Variants in ABCA12 observed in about 807,000 individuals in gnomAD.
The protein encoded by ABCA12 is glucosylceramide transporter ABCA12.
ABCA12 carries 156 observed loss-of-function variants against 293.5 expected under a neutral mutation model. The ratio of observed to expected loss-of-function variants is 0.53; its 90% CI spans 0.47 to 0.61. ABCA12 has a LOEUF of 0.61. Ranked by LOEUF, ABCA12 falls within the 20% of genes least tolerant of loss-of-function variation. The probability of loss-of-function intolerance (pLI) is 0.00; values close to 1 mark genes in which losing one functional copy is unlikely to be tolerated. For synonymous variants in ABCA12, 1,063 were observed against 1,108.0 expected (o/e 0.96, Z 0.81); for missense variants, 2,797 against 3,090.2 (o/e 0.91, Z 2.25).
chr2:214,993,043 T>G (rs1039577021), intron 23 of ABCA12, among the ~76,000 whole-genome samples: 3 of 152,202 alleles, frequency 2.0e-5, no homozygotes, highest in African/African-American at 7.2e-5. Context: ...AATAGTGAAT[T>G]TTACTTTCTG....
chr2:214,942,395 T>C (rs1354486970), intron 50 of ABCA12, among the ~76,000 whole-genome samples: 5 of 152,230 alleles, frequency 3.3e-5, no homozygotes, highest in Admixed American at 6.5e-5. Context: ...TAAATGCATA[T>C]ACACTCTGGT....
At chr2:215,103,849 T>A (rs1354813728) in intron 2 of ABCA12, among the ~76,000 whole-genome samples, 1 of 152,138 alleles carries the variant, frequency 6.6e-6, no homozygotes, top group Non-Finnish European at 1.5e-5. Context: ...TAGCCAGGTA[T>A]CTTGGTGGAT....
chr2:215,032,284 A>AT (rs5838481), intron 8 of ABCA12: 69 of 176,906 alleles, frequency 3.9e-4, no homozygotes, highest in African/African-American at 8.4e-4. Context: ...GGGTCACTGG[A>AT]TTTTTTTTTT....
chr2:215,084,771 C>A (rs2106098890), intron 2 of ABCA12, among the ~76,000 whole-genome samples: 1 of 152,202 alleles, frequency 6.6e-6, no homozygotes, highest in African/African-American at 2.4e-5. Context: ...ACACCTGTCA[C>A]AATATGATTG....
chr2:215,066,766 T>A (rs1701647219), intron 2 of ABCA12, among the ~76,000 whole-genome samples: 1 of 152,164 alleles, frequency 6.6e-6, no homozygotes, highest in African/African-American at 2.4e-5. Flanking sequence ...AAGTTTCAGC[T>A]AACAGAGTGC....
intron 2 of ABCA12, among the ~76,000 whole-genome samples, chr2:215,084,787 G>A (rs747087061): frequency 6.6e-6 from 1 of 152,032 alleles, no homozygotes; most frequent in South Asian, 2.1e-4. Flanking sequence ...GATTGGAGAA[G>A]GAACTCAAAA....
chr2:215,040,346 TATAA>T (rs1392061532), intron 7 of ABCA12, among the ~76,000 whole-genome samples: 2 of 152,128 alleles, frequency 1.3e-5, no homozygotes, highest in Admixed American at 6.5e-5. Flanking sequence ...AAAGAAAACA[TATAA>T]ATAGCCAATA....
At chr2:214,992,817 T>C (rs901887912) in intron 23 of ABCA12, among the ~76,000 whole-genome samples, 1 of 152,008 alleles carries the variant, frequency 6.6e-6, no homozygotes, top group Non-Finnish European at 1.5e-5. Context: ...GCCGAGATCA[T>C]GCCACTGCAC....
chr2:215,097,116 C>T lies in ABCA12; in HGVS notation c.163+14481G>A, dbSNP rs190835715. 9.4e-4 allele frequency among the ~76,000 whole-genome samples: 143 copies of T among 152,204 alleles called. 1 individual carries two copies. The highest frequency in any genetic ancestry group is 3.3e-3 in the African/African-American group (137 of 41,540). On this transcript the variant is annotated intron_variant, in intron 2 of 52. Transcript: ENST00000272895. ...GGCTGGTGTAGGAGTGAAAACTAAC[C>T]TGGTATAGAGGTTCAGAGAAAGTTC...
Position 214,953,937 on chromosome 2 carries a change from T to C in ABCA12, c.6564A>G (p.Ala2188=). The C allele has an allele frequency of 6.2e-7, 1 of 1,614,074 alleles. No homozygotes were observed. Among genetic ancestry groups the C allele is most frequent in the East Asian group, 2.2e-5 (1 of 44,852 alleles). ...NETFEMNKLG[A]MFVALVSQGT... ...CCTGAGAAACCAAAGCCACAAACAT[T>C]GCACCTAGTTTATTCATCTCAAAGG... Residue 2188 remains alanine, a synonymous_variant, in exon 44 of 53, where the codon GCA becomes GCG. Transcript: ENST00000272895.
At chr2:215,108,779 G>T (rs1366923058) in intron 2 of ABCA12, among the ~76,000 whole-genome samples, 1 of 152,098 alleles carries the variant, frequency 6.6e-6, no homozygotes, top group Non-Finnish European at 1.5e-5. Context: ...CGACAAAAGA[G>T]GGGGAAAAGG....
chr2:215,054,775 A>G (rs567389877), intron 3 of ABCA12, 111 bp from the exon 4 acceptor site: 6 of 801,134 alleles, frequency 7.5e-6, no homozygotes, highest in Non-Finnish European at 1.1e-5. Context: ...AATATTTAAT[A>G]TAGTTTCCAG....
intron 19 of ABCA12, 114 bp from the exon 20 acceptor site, chr2:215,004,413 C>A: frequency 1.3e-6 from 1 of 745,290 alleles, no homozygotes. Context: ...ATTATCAATG[C>A]ACTGTCTTGC....
chr2:214,977,329 TAAAAGTCCTC>T lies in ABCA12; in HGVS notation c.5128+977_5128+986del, dbSNP rs1255386143. On this transcript the variant is annotated intron_variant, in intron 33 of 52. Coordinates refer to ENST00000272895, the MANE Select transcript of ABCA12 (RefSeq NM_173076.3). ...CCTGCAGCAGATGACCACTTTCTAA[TAAAAGTCCTC>T]AATGCCATGGAGGCCACAATTATAT... Among the ~76,000 whole-genome samples, 61 of 152,298 alleles carry T rather than the reference TAAAAGTCCTC, an allele frequency of 4.0e-4. No homozygotes were observed. The South Asian group carries it at 0.013, about 32-fold the overall frequency.
intron 2 of ABCA12, among the ~76,000 whole-genome samples, chr2:215,074,182 T>G (rs906650551): frequency 6.6e-5 from 10 of 152,182 alleles, no homozygotes; most frequent in African/African-American, 2.2e-4. Context: ...TATTCCCAGC[T>G]GAAAAGATGC....
chr2:215,032,284 ATT>A (rs5838481), intron 8 of ABCA12: 13,430 of 176,160 alleles, frequency 0.076, no homozygotes, highest in South Asian at 0.17. Flanking sequence ...GGGTCACTGG[ATT>A]TTTTTTTTTT....
intron 5 of ABCA12, among the ~76,000 whole-genome samples, chr2:215,050,557 T>A (rs923274156): frequency 1.3e-5 from 2 of 152,100 alleles, no homozygotes; most frequent in Non-Finnish European, 2.9e-5. Flanking sequence ...CTGATGATAG[T>A]TAGTTGTCAG....
At chr2:214,991,072 T>C in intron 23 of ABCA12, 41 bp from the exon 24 acceptor site, 4 of 1,557,656 alleles carry the variant, frequency 2.6e-6, no homozygotes, top group Non-Finnish European at 3.5e-6. Flanking sequence ...TATGCTGATA[T>C]TCTTCCAAAT....
intron 49 of ABCA12, among the ~76,000 whole-genome samples, chr2:214,943,590 C>A (rs1698480331): frequency 6.6e-6 from 1 of 152,246 alleles, no homozygotes; most frequent in South Asian, 2.1e-4. Context: ...ACCTGGAATA[C>A]CCGCTCCATC....
Sources: gnomAD v4.1 joint callset for allele counts (sites outside exome capture counted in the v4.1 genomes callset) on GRCh38, gnomAD v4.1.1 for gene constraint, MANE v1.5 for transcripts, NCBI Gene and HGNC (gene_info 2026-07-23, HGNC 2026-07-21) for gene names.